Variants in MPPED2 observed in about 807,000 individuals in gnomAD.
MPPED2 encodes the protein metallophosphoesterase MPPED2.
In MPPED2, 5 loss-of-function variants were observed where a neutral mutation model predicts 33.0. The observed-to-expected ratio is 0.15, with a 90% CI of 0.08 to 0.32. MPPED2 has a LOEUF of 0.32. Ranked by LOEUF, MPPED2 falls within the 10% of genes least tolerant of loss-of-function variation. The pLI is 1.00. For missense variants in MPPED2, 275 were observed against 372.1 expected, an observed-to-expected ratio of 0.74 and a Z score of 2.15; for synonymous variants, 136 against 141.9, an observed-to-expected ratio of 0.96 and a Z score of 0.29.
chr11:30,499,982 C>T (rs1213125327), intron 3 of MPPED2, among the ~76,000 whole-genome samples: 2 of 152,184 alleles, frequency 1.3e-5, no homozygotes, highest in African/African-American at 4.8e-5. Flanking sequence ...CTCCAGTCTG[C>T]CAAGAGATCT....
intron 4 of MPPED2, among the ~76,000 whole-genome samples, chr11:30,424,731 C>T (rs1948755600): frequency 6.6e-6 from 1 of 152,086 alleles, no homozygotes; most frequent in Admixed American, 6.5e-5. Flanking sequence ...AGGCCATGTA[C>T]CACCCCACCC....
chr11:30,429,986 T>C (rs935550677), intron 4 of MPPED2, among the ~76,000 whole-genome samples: 2 of 152,298 alleles, frequency 1.3e-5, no homozygotes, highest in African/African-American at 4.8e-5. Flanking sequence ...TCCCAGTGGG[T>C]TGCAAACCAT....
intron 2 of MPPED2, among the ~76,000 whole-genome samples, chr11:30,576,856 C>T (rs576511365): frequency 1.3e-5 from 2 of 151,542 alleles, no homozygotes; most frequent in South Asian, 4.2e-4. Context: ...ATTTTCTTTC[C>T]CAAGGTCATA....
At chr11:30,496,560 G>A (rs1174545661) in intron 3 of MPPED2, among the ~76,000 whole-genome samples, 1 of 152,174 alleles carries the variant, frequency 6.6e-6, no homozygotes, top group Non-Finnish European at 1.5e-5. Context: ...GGTCTGATGT[G>A]AAATTAATGT....
At chr11:30,390,588 AC>A (rs751479471) in intron 6 of MPPED2, among the ~76,000 whole-genome samples, 22 of 152,202 alleles carry the variant, frequency 1.4e-4, no homozygotes, top group Non-Finnish European at 2.8e-4. Flanking sequence ...CCAAGAGTGC[AC>A]CCTTATGCTG....
At chr11:30,416,355 C>G (rs1204942838) in intron 5 of MPPED2, among the ~76,000 whole-genome samples, 2 of 152,230 alleles carry the variant, frequency 1.3e-5, no homozygotes, top group Non-Finnish European at 2.9e-5. Flanking sequence ...TGGGCCACTT[C>G]CCTTGTAAGA....
At chr11:30,495,947 T>G (rs1453449616) in intron 3 of MPPED2, among the ~76,000 whole-genome samples, 8 of 152,218 alleles carry the variant, frequency 5.3e-5, no homozygotes. Flanking sequence ...CTACTAGATT[T>G]TTAGTATATG....
intron 4 of MPPED2, among the ~76,000 whole-genome samples, chr11:30,442,477 C>G (rs183117617): frequency 1.3e-4 from 20 of 152,312 alleles, no homozygotes; most frequent in African/African-American, 4.8e-4. Context: ...AAGGTCTGAT[C>G]AGGGAACCAA....
chr11:30,468,657 A>G (rs538357790), intron 4 of MPPED2, among the ~76,000 whole-genome samples: 10 of 152,328 alleles, frequency 6.6e-5, no homozygotes, highest in African/African-American at 2.2e-4. Flanking sequence ...AATATTAATC[A>G]TATAGGAACC....
chr11:30,536,517 A>C (rs568387978), intron 2 of MPPED2, among the ~76,000 whole-genome samples: 1 of 152,292 alleles, frequency 6.6e-6, no homozygotes, highest in East Asian at 1.9e-4. Flanking sequence ...AAATTATGCT[A>C]TTTCTCTCTC....
intron 4 of MPPED2, among the ~76,000 whole-genome samples, chr11:30,464,504 T>C (rs1950630252): frequency 7.8e-6 from 1 of 128,780 alleles, no homozygotes; most frequent in Non-Finnish European, 1.7e-5. Context: ...TAGTTTCTTG[T>C]TGTACTTGAT....
At chr11:30,555,597 C>A in intron 2 of MPPED2, among the ~76,000 whole-genome samples, 1 of 152,138 alleles carries the variant, frequency 6.6e-6, no homozygotes, top group East Asian at 1.9e-4. Context: ...CTCACAAGAT[C>A]TGATGGTTTT....
intron 6 of MPPED2, among the ~76,000 whole-genome samples, chr11:30,413,126 G>A (rs1173349438): frequency 6.6e-6 from 1 of 152,194 alleles, no homozygotes; most frequent in East Asian, 1.9e-4. Context: ...TGCCCTTGGA[G>A]CAAACTGAAT....
At chr11:30,443,116 A>G (rs1216428670) in intron 4 of MPPED2, among the ~76,000 whole-genome samples, 3 of 152,152 alleles carry the variant, frequency 2.0e-5, no homozygotes, top group Non-Finnish European at 4.4e-5. Flanking sequence ...GACTCCTGAA[A>G]CCAATCCTCC....
intron 3 of MPPED2, among the ~76,000 whole-genome samples, chr11:30,514,726 C>T (rs545814062): frequency 1.3e-5 from 2 of 152,282 alleles, no homozygotes; most frequent in African/African-American, 4.8e-5. Context: ...CTCAGTGTCC[C>T]TGTAAATGAA....
rs927167771 is a variant in MPPED2, at chr11:30,403,165, T to C, written c.766+11063A>G. ...GCGAGGATGAGGCAGGAGAATGGCG[T>C]GAACCCGGGAGGCGGAGCTTGCCGT... On this transcript the variant is annotated intron_variant, in intron 6 of 6. Transcript: ENST00000448418. Among the ~76,000 whole-genome samples the C allele has an allele frequency of 2.7e-5, 4 of 150,102 alleles. 1 individual carries two copies. In the South Asian group the frequency reaches 8.3e-4, roughly 31 times the overall value.
chr11:30,507,540 C>T (rs1434289960), intron 3 of MPPED2, among the ~76,000 whole-genome samples: 1 of 152,158 alleles, frequency 6.6e-6, no homozygotes, highest in Non-Finnish European at 1.5e-5. Flanking sequence ...TGAAGCATTT[C>T]AAGTACAATA....
intron 3 of MPPED2, among the ~76,000 whole-genome samples, chr11:30,528,480 A>G (rs1176243861): frequency 1.3e-5 from 2 of 151,486 alleles, no homozygotes; most frequent in Non-Finnish European, 2.9e-5. Context: ...CTGGTCTCAA[A>G]CTCCTGACCT....
At chr11:30,386,607 C>A (rs544883456) in exon 7 of MPPED2, 1 of 397,540 alleles carries the variant, frequency 2.5e-6, no homozygotes, top group African/African-American at 2.1e-5. Context: ...ACTGTTTTCC[C>A]AGCACCTAGA....
Sources: gnomAD v4.1 joint callset for allele counts (sites outside exome capture counted in the v4.1 genomes callset) on GRCh38, gnomAD v4.1.1 for gene constraint, MANE v1.5 for transcripts, NCBI Gene and HGNC (gene_info 2026-07-23, HGNC 2026-07-21) for gene names.